Variants in WLS observed in about 807,000 individuals in gnomAD.
WLS encodes the protein protein wntless homolog.
WLS carries 23 observed loss-of-function variants against 62.8 expected under a neutral mutation model. The ratio of observed to expected loss-of-function variants is 0.37; its 90% CI spans 0.26 to 0.52. The LOEUF is 0.52. Ranked by LOEUF, WLS falls within the 20% of genes least tolerant of loss-of-function variation. The pLI, the probability that WLS is intolerant of heterozygous loss-of-function variation, is 0.92. For synonymous variants in WLS, 246 were observed against 244.1 expected (o/e 1.01, Z -0.07); for missense variants, 615 against 697.3 (o/e 0.88, Z 1.33).
At chr1:68,142,443 A>G (rs1285667579) in intron 10 of WLS, among the ~76,000 whole-genome samples, 2 of 152,198 alleles carry the variant, frequency 1.3e-5, no homozygotes, top group Non-Finnish European at 2.9e-5. Context: ...GCCACTGTGC[A>G]CTACTGAGGG....
At chr1:68,162,524 G>T in intron 2 of WLS, 4 of 1,610,684 alleles carry the variant, frequency 2.5e-6, no homozygotes, top group Non-Finnish European at 3.4e-6. Flanking sequence ...TACCCCCTGC[G>T]ATCAAAGCCG....
intron 1 of WLS, among the ~76,000 whole-genome samples, chr1:68,220,984 G>A (rs568127015): frequency 2.1e-3 from 322 of 152,228 alleles, no homozygotes; most frequent in African/African-American, 7.3e-3. Flanking sequence ...AGTAGGTGGG[G>A]GAGGGAAGGA....
intron 2 of WLS, among the ~76,000 whole-genome samples, chr1:68,170,583 A>G (rs1189339017): frequency 6.6e-6 from 1 of 152,104 alleles, no homozygotes; most frequent in African/African-American, 2.4e-5. Flanking sequence ...GTAAATTACA[A>G]AAGGCTTCTT....
chr1:68,151,621 C>G (rs1285500437), intron 5 of WLS, among the ~76,000 whole-genome samples: 1 of 151,782 alleles, frequency 6.6e-6, no homozygotes, highest in Non-Finnish European at 1.5e-5. Flanking sequence ...AAAAGCTAGG[C>G]AAGAGAGTGG....
intron 11 of WLS, among the ~76,000 whole-genome samples, chr1:68,135,387 C>A (rs1646593717): frequency 7.4e-6 from 1 of 135,828 alleles, no homozygotes; most frequent in Non-Finnish European, 1.5e-5. Context: ...TGGGCTCAAG[C>A]AATCCTCCAG....
At chr1:68,143,977 CGTA>C (rs1010972260) in intron 10 of WLS, among the ~76,000 whole-genome samples, 7 of 152,124 alleles carry the variant, frequency 4.6e-5, no homozygotes, top group African/African-American at 1.7e-4. Context: ...CTACTTACCT[CGTA>C]GGATTTTTGT....
chr1:68,121,887 T>C (rs142980504), downstream of WLS, among the ~76,000 whole-genome samples: 31 of 152,314 alleles, frequency 2.0e-4, no homozygotes, highest in East Asian at 5.0e-3. Flanking sequence ...TATATTTTCT[T>C]TGGAGGCACA....
chr1:68,118,614 G>A (rs1324731619), intron 11 of WLS, among the ~76,000 whole-genome samples: 2 of 150,054 alleles, frequency 1.3e-5, no homozygotes, highest in Admixed American at 6.6e-5. Flanking sequence ...GGTGGCTCAC[G>A]CCTGTAATCC....
At chr1:68,219,456 C>A (rs977348604) in intron 1 of WLS, among the ~76,000 whole-genome samples, 3 of 152,170 alleles carry the variant, frequency 2.0e-5, no homozygotes, top group Non-Finnish European at 4.4e-5. Context: ...GTAACACAAT[C>A]TTTTATGTTC....
At chr1:68,122,333 T>C (rs927662897), downstream of WLS, among the ~76,000 whole-genome samples, 1 of 152,192 alleles carries the variant, frequency 6.6e-6, no homozygotes, top group Non-Finnish European at 1.5e-5. Flanking sequence ...GATTATAGGC[T>C]GAACTCAGGC....
intron 11 of WLS, among the ~76,000 whole-genome samples, chr1:68,118,498 C>T (rs1244527446): frequency 1.3e-5 from 2 of 152,138 alleles, no homozygotes; most frequent in Admixed American, 6.5e-5. Flanking sequence ...CTATTGCCTC[C>T]TCCCTCCCGC....
At chr1:68,117,281 C>T (rs1206264789) in intron 11 of WLS, among the ~76,000 whole-genome samples, 1 of 152,208 alleles carries the variant, frequency 6.6e-6, no homozygotes. Context: ...ATGAATGCTG[C>T]TAAACCTAGT....
chr1:68,192,804 T>C (rs1016458433), intron 2 of WLS, among the ~76,000 whole-genome samples: 12 of 128,474 alleles, frequency 9.3e-5, no homozygotes, highest in Non-Finnish European at 1.8e-4. Flanking sequence ...AAGAAAGAAA[T>C]AGTTTTCAGG....
chr1:68,101,446 G>A (rs1646077419), intron 11 of WLS, among the ~76,000 whole-genome samples: 1 of 152,126 alleles, frequency 6.6e-6, no homozygotes, highest in South Asian at 2.1e-4. Context: ...ACCTTGTAGA[G>A]GGGAACGGGA....
chr1:68,124,768 G>A (rs895463933), downstream of WLS, among the ~76,000 whole-genome samples: 3 of 152,206 alleles, frequency 2.0e-5, no homozygotes, highest in Admixed American at 2.0e-4. Context: ...GTCAGGAAAA[G>A]GCAGGCTAGG....
chr1:68,103,491 T>C (rs941102053), intron 11 of WLS, among the ~76,000 whole-genome samples: 1 of 152,230 alleles, frequency 6.6e-6, no homozygotes, highest in Non-Finnish European at 1.5e-5. Context: ...GACAAAATTA[T>C]GCAGTTCTTC....
intron 8 of WLS, among the ~76,000 whole-genome samples, chr1:68,146,428 G>C (rs1236625276): frequency 1.3e-5 from 2 of 152,032 alleles, no homozygotes; most frequent in Non-Finnish European, 2.9e-5. Flanking sequence ...TCACCAGAAG[G>C]GTTCAAATGT....
chr1:68,190,142 GT>G (rs1302127349), intron 2 of WLS, among the ~76,000 whole-genome samples: 2 of 152,116 alleles, frequency 1.3e-5, no homozygotes, highest in African/African-American at 4.8e-5. Context: ...GCTAAGAGCG[GT>G]TCTGTAACTT....
At chr1:68,214,209 A>C (rs970621387) in intron 1 of WLS, among the ~76,000 whole-genome samples, 2 of 150,668 alleles carry the variant, frequency 1.3e-5, no homozygotes, top group South Asian at 2.1e-4. Flanking sequence ...ACACACACAC[A>C]CCCCATTTCC....
Sources: gnomAD v4.1 joint callset for allele counts (sites outside exome capture counted in the v4.1 genomes callset) on GRCh38, gnomAD v4.1.1 for gene constraint, MANE v1.5 for transcripts, NCBI Gene and HGNC (gene_info 2026-07-23, HGNC 2026-07-21) for gene names.